ZSCAN5A: variants seen among roughly 807,000 people sequenced by gnomAD.
The protein encoded by ZSCAN5A is zinc finger and SCAN domain containing 5A.
A neutral mutation model predicts 23.7 loss-of-function variants in ZSCAN5A; 12 were observed. The observed-to-expected ratio is 0.51, with a 90% CI of 0.32 to 0.82. ZSCAN5A has a LOEUF of 0.82. Ranked by LOEUF, ZSCAN5A falls within the 40% of genes least tolerant of loss-of-function variation. ZSCAN5A has a pLI of 0.03. For missense variants in ZSCAN5A, 597 were observed against 617.9 expected (o/e 0.97, Z 0.36); for synonymous variants, 257 against 239.9 (o/e 1.07, Z -0.66).
At chr19:56,329,865 G>A (rs891850536) in intron 2 of ZSCAN5A, among the ~76,000 whole-genome samples, 4 of 152,138 alleles carry the variant, frequency 2.6e-5, no homozygotes, top group Admixed American at 6.5e-5. Context: ...TAGGTTCATG[G>A]AATACATGAG....
At chr19:56,281,749 C>A (rs1018539108) in intron 2 of ZSCAN5A, 62 of 976,720 alleles carry the variant, frequency 6.3e-5, no homozygotes, top group Middle Eastern at 5.2e-4. Flanking sequence ...GCCCTTCAAC[C>A]TAGAGAAGGA....
At chr19:56,319,830 C>G (rs549669182), upstream of ZSCAN5A, 23 of 780,752 alleles carry the variant, frequency 2.9e-5, no homozygotes, top group East Asian at 4.4e-4. Flanking sequence ...TCGAGGTTCT[C>G]TTCTGCAGTT....
intron 2 of ZSCAN5A, among the ~76,000 whole-genome samples, chr19:56,273,744 G>A (rs1190128799): frequency 1.3e-5 from 2 of 152,172 alleles, no homozygotes; most frequent in African/African-American, 4.8e-5. Flanking sequence ...AGAAGAGACA[G>A]GAGGCAGGAA....
chr19:56,291,466 T>A (rs1401889109), intron 2 of ZSCAN5A, among the ~76,000 whole-genome samples: 1 of 152,174 alleles, frequency 6.6e-6, no homozygotes, highest in Non-Finnish European at 1.5e-5. Context: ...TTTATTTCTC[T>A]TTTTTGGGAA....
At chr19:56,353,812 A>G (rs563962880) in intron 2 of ZSCAN5A, among the ~76,000 whole-genome samples, 1 of 152,086 alleles carries the variant, frequency 6.6e-6, no homozygotes, top group South Asian at 2.1e-4. Context: ...AAAATAAATA[A>G]ATAAATAAAT....
rs2041671346 is a variant in ZSCAN5A at position 56,352,114 on chromosome 19, G to C, written c.-358+11121C>G. On this transcript the variant is annotated intron_variant, in intron 2 of 6. Transcript: ENST00000587340. The surrounding 1 kb of genome is among the most constrained non-coding windows in gnomAD (Gnocchi z 4.2). ...GGTTTTTTTGTTTGTTTGTTTCTTT[G>C]TTTTTGAGACGGAATCTCGCTCTGT... is the stretch of plus-strand genomic sequence containing the variant. Among the ~76,000 whole-genome samples the C allele has an allele frequency of 6.6e-6, 1 of 151,950 alleles. No homozygotes were observed. Among genetic ancestry groups the C allele is most frequent in the Middle Eastern group, 3.2e-3 (1 of 316 alleles).
intron 2 of ZSCAN5A, among the ~76,000 whole-genome samples, chr19:56,291,695 G>T (rs913140119): frequency 1.3e-5 from 2 of 152,032 alleles, no homozygotes; most frequent in Non-Finnish European, 2.9e-5. Context: ...CTCTGCCAAG[G>T]GAGGTCCACT....
Position 56,252,322 on chromosome 19 carries a change from G to C in ZSCAN5A, c.-127-27149C>G, listed in dbSNP as rs146058247. On this transcript the variant is annotated intron_variant, in intron 2 of 5. Coordinates refer to ENST00000683990, the MANE Select transcript of ZSCAN5A (RefSeq NM_001322064.3). ...AGGTGAGAGGCTGTAACAACGCAAA[G>C]GTTGGGGCCGCCCAGGAGAAAAAGG... 7.9e-3 allele frequency among the ~76,000 whole-genome samples: 1,199 copies of C among 152,304 alleles called. 15 individuals are homozygous for C. Among genetic ancestry groups the C allele is most frequent in the African/African-American group, 0.024 (1,014 of 41,570 alleles).
intron 1 of ZSCAN5A, chr19:56,365,731 C>G (rs1409613690): frequency 6.6e-6 from 1 of 152,210 alleles, no homozygotes; most frequent in African/African-American, 2.4e-5. Context: ...CAGAAACTCA[C>G]AAGCAGTAAT....
chr19:56,275,116 G>A (rs748837102), intron 2 of ZSCAN5A, among the ~76,000 whole-genome samples: 11 of 152,258 alleles, frequency 7.2e-5, no homozygotes, highest in Middle Eastern at 6.8e-3. Context: ...TTAGTCCCTC[G>A]GCTAAGGTGG....
At chr19:56,223,556 C>T in intron 4 of ZSCAN5A, 75 bp downstream of exon 4, 1 of 1,473,734 alleles carries the variant, frequency 6.8e-7, no homozygotes, top group Non-Finnish European at 9.3e-7. Flanking sequence ...ATCTCTCAAT[C>T]AGTCCAGCGG....
intron 2 of ZSCAN5A, among the ~76,000 whole-genome samples, chr19:56,243,316 C>A (rs1190435462): frequency 1.3e-5 from 2 of 152,140 alleles, no homozygotes; most frequent in African/African-American, 4.8e-5. Flanking sequence ...CAGCATGGTG[C>A]ATGCATGTCT....
intron 2 of ZSCAN5A, among the ~76,000 whole-genome samples, chr19:56,306,231 C>G (rs138360334): frequency 6.6e-6 from 1 of 152,180 alleles, no homozygotes; most frequent in Non-Finnish European, 1.5e-5. Flanking sequence ...AGAGAAAGTA[C>G]GAAAGACAGA....
chr19:56,322,892 C>CTT (rs397859568), intron 2 of ZSCAN5A, among the ~76,000 whole-genome samples: 130 of 126,812 alleles, frequency 1.0e-3, no homozygotes, highest in Non-Finnish European at 1.4e-3. Flanking sequence ...TTATTGGTTT[C>CTT]TTTTTTTTTT....
intron 2 of ZSCAN5A, chr19:56,247,046 A>C (rs771102685): frequency 6.0e-6 from 5 of 830,622 alleles, no homozygotes; most frequent in East Asian, 4.8e-5. Context: ...GAAGCCAAGG[A>C]ACTGCTGCCC....
Position 56,326,648 on chromosome 19 carries a change from G to A in ZSCAN5A, c.-357-10380C>T, listed in dbSNP as rs114461358. 6.6e-3 allele frequency among the ~76,000 whole-genome samples: 998 copies of A among 152,084 alleles called. 19 individuals carry two copies. The highest frequency in any genetic ancestry group is 0.023 in the African/African-American group (948 of 41,492). On this transcript the variant is annotated intron_variant, in intron 2 of 6. Coordinates refer to the ZSCAN5A transcript ENST00000587340. Reference sequence around the variant, plus strand: ...CGCTGGGTGCCTTTCAGTACTGGGCGATTAACTGCAAATGACACCCCCACC... The same window carrying A: ...CGCTGGGTGCCTTTCAGTACTGGGCAATTAACTGCAAATGACACCCCCACC...
intron 2 of ZSCAN5A, among the ~76,000 whole-genome samples, chr19:56,357,866 C>A (rs2041708333): frequency 6.7e-6 from 1 of 148,282 alleles, no homozygotes; most frequent in East Asian, 1.9e-4. Flanking sequence ...ATTCAAGAGA[C>A]CCATCTCACG....
intron 4 of ZSCAN5A, 151 bp from the exon 5 acceptor site, chr19:56,222,892 C>G: frequency 1.0e-6 from 1 of 976,420 alleles, no homozygotes; most frequent in Non-Finnish European, 1.5e-6. Context: ...CCCATCACCC[C>G]ACGTAAACAT....
chr19:56,262,526 A>G (rs1434634581), intron 2 of ZSCAN5A, among the ~76,000 whole-genome samples: 1 of 151,614 alleles, frequency 6.6e-6, no homozygotes, highest in Admixed American at 6.6e-5. Flanking sequence ...GGTTCAAGCA[A>G]TTCTCCTGCC....
Sources: allele counts gnomAD v4.1 joint callset (sites outside exome capture counted in the v4.1 genomes callset), GRCh38; gene constraint gnomAD v4.1.1; non-coding constraint Gnocchi (gnomAD v3.1); transcripts MANE v1.5; gene names NCBI Gene and HGNC (gene_info 2026-07-23, HGNC 2026-07-21).